SPPL3: variants seen among roughly 807,000 people sequenced by gnomAD.
The protein encoded by SPPL3 is signal peptide peptidase-like 3.
SPPL3 carries 5 observed loss-of-function variants against 42.4 expected under a neutral mutation model. That is an observed-to-expected ratio of 0.12 (90% CI 0.06 to 0.25). The LOEUF (loss-of-function observed/expected upper bound fraction) is 0.25. SPPL3 is among the 10% of genes least tolerant of loss of function. The probability of loss-of-function intolerance (pLI) is 1.00; values close to 1 mark genes in which losing one functional copy is unlikely to be tolerated. For missense variants in SPPL3, 235 were observed against 489.0 expected (o/e 0.48, Z 4.90); for synonymous variants, 195 against 181.8 (o/e 1.07, Z -0.58).
At chr12:120,789,237 T>TCTC (rs1869824740) in intron 3 of SPPL3, among the ~76,000 whole-genome samples, 1 of 151,672 alleles carries the variant, frequency 6.6e-6, no homozygotes, top group Non-Finnish European at 1.5e-5. Context: ...GAGGATCACT[T>TCTC]GAGGTCAGGA....
intron 6 of SPPL3, among the ~76,000 whole-genome samples, chr12:120,771,319 A>AC: frequency 6.6e-6 from 1 of 151,436 alleles, no homozygotes. Context: ...TCCTCACTCT[A>AC]CCCCCCATGC....
chr12:120,888,226 C>A (rs1437219978), intron 1 of SPPL3, among the ~76,000 whole-genome samples: 1 of 152,084 alleles, frequency 6.6e-6, no homozygotes, highest in Non-Finnish European at 1.5e-5. Context: ...CAGGCGTCCA[C>A]CACCACGCCC....
chr12:120,863,047 A>G (rs770005176), intron 1 of SPPL3, among the ~76,000 whole-genome samples: 1 of 152,144 alleles, frequency 6.6e-6, no homozygotes, highest in Non-Finnish European at 1.5e-5. Context: ...GACCAAATAT[A>G]TATTTATCAC....
At chr12:120,853,983 TACACACAC>T (rs58246859) in intron 1 of SPPL3, among the ~76,000 whole-genome samples, 15,586 of 130,212 alleles carry the variant, frequency 0.12, 941 homozygotes, top group Admixed American at 0.17. Context: ...CACGCACACA[TACACACAC>T]ACACACACAC....
chr12:120,854,753 A>G (rs1182518644), intron 1 of SPPL3, among the ~76,000 whole-genome samples: 1 of 152,218 alleles, frequency 6.6e-6, no homozygotes. Flanking sequence ...AAACCTTTCC[A>G]AAGGTCAACA....
intron 3 of SPPL3, among the ~76,000 whole-genome samples, chr12:120,789,233 C>A (rs1188877417): frequency 6.6e-6 from 1 of 151,546 alleles, no homozygotes; most frequent in Non-Finnish European, 1.5e-5. Context: ...ACTGGAGGAT[C>A]ACTTGAGGTC....
At chr12:120,845,446 C>T (rs995823167) in intron 1 of SPPL3, 6 of 403,388 alleles carry the variant, frequency 1.5e-5, no homozygotes, top group East Asian at 6.2e-5. Context: ...TTGTCCGAGC[C>T]GCCCACGCCC....
intron 1 of SPPL3, among the ~76,000 whole-genome samples, chr12:120,815,801 A>G (rs1329854706): frequency 6.6e-6 from 1 of 152,010 alleles, no homozygotes; most frequent in Non-Finnish European, 1.5e-5. Context: ...ATCTCGGCTC[A>G]CTGCAACCTC....
At chr12:120,789,870 A>ACTT (rs1184728874) in intron 3 of SPPL3, among the ~76,000 whole-genome samples, 4 of 149,678 alleles carry the variant, frequency 2.7e-5, no homozygotes, top group African/African-American at 9.9e-5. Context: ...TTACCAGGTA[A>ACTT]CTTCTTTCCA....
chr12:120,816,944 C>T (rs974386850), intron 1 of SPPL3, among the ~76,000 whole-genome samples: 3 of 152,008 alleles, frequency 2.0e-5, no homozygotes, highest in Non-Finnish European at 4.4e-5. Flanking sequence ...CCTATAAAAT[C>T]CTCTTTGGGC....
intron 6 of SPPL3, among the ~76,000 whole-genome samples, chr12:120,781,668 G>C (rs1157447148): frequency 1.4e-5 from 2 of 141,038 alleles, no homozygotes; most frequent in Non-Finnish European, 3.0e-5. Flanking sequence ...CCGCCTCCCG[G>C]GTTCACACCT....
chr12:120,820,306 A>ATTTTTTTTTTTTTT (rs11374486), intron 1 of SPPL3, among the ~76,000 whole-genome samples: 9 of 100,996 alleles, frequency 8.9e-5, no homozygotes, highest in African/African-American at 1.6e-4. Context: ...CTTTCTCTAA[A>ATTTTTTTTTTTTTT]TTTTTTTTTT....
At chr12:120,854,142 C>T (rs1285544080) in intron 1 of SPPL3, among the ~76,000 whole-genome samples, 1 of 152,058 alleles carries the variant, frequency 6.6e-6, no homozygotes, top group Non-Finnish European at 1.5e-5. Context: ...TATCAATGTA[C>T]CCTTTACTGA....
At chr12:120,892,670 C>T (rs1049500345) in intron 1 of SPPL3, among the ~76,000 whole-genome samples, 1 of 152,118 alleles carries the variant, frequency 6.6e-6, no homozygotes, top group Non-Finnish European at 1.5e-5. Flanking sequence ...AACACAAAGG[C>T]TATTAAAATA....
chr12:120,812,106 G>GGAA (rs1555249619), intron 1 of SPPL3, among the ~76,000 whole-genome samples: 41 of 140,704 alleles, frequency 2.9e-4, no homozygotes, highest in African/African-American at 1.1e-3. Context: ...CCATTTAGTG[G>GGAA]AAAAAAAAAA....
At chr12:120,857,190 G>A (rs545715609) in intron 1 of SPPL3, among the ~76,000 whole-genome samples, 3 of 152,316 alleles carry the variant, frequency 2.0e-5, no homozygotes, top group East Asian at 1.9e-4. Flanking sequence ...GGGAGCTCTA[G>A]AGCCAGAAAG....
intron 1 of SPPL3, chr12:120,901,948 T>G (rs1593019348): frequency 2.0e-6 from 2 of 985,248 alleles, no homozygotes; most frequent in South Asian, 9.4e-5. Flanking sequence ...ATCCAGGGCC[T>G]CTGTACAGCA....
intron 1 of SPPL3, among the ~76,000 whole-genome samples, chr12:120,840,343 T>C (rs1200685560): frequency 3.1e-5 from 4 of 128,366 alleles, no homozygotes; most frequent in Non-Finnish European, 5.0e-5. Context: ...GGATGAACCC[T>C]AAAAACATGA....
intron 2 of SPPL3, among the ~76,000 whole-genome samples, chr12:120,792,904 T>C (rs1260824144): frequency 1.3e-5 from 2 of 151,776 alleles, no homozygotes; most frequent in Non-Finnish European, 2.9e-5. Context: ...GGATTTGGAG[T>C]AGATTCTTAG....
Sources: allele counts gnomAD v4.1 joint callset (sites outside exome capture counted in the v4.1 genomes callset), GRCh38; gene constraint gnomAD v4.1.1; transcripts MANE v1.5; gene names NCBI Gene and HGNC (gene_info 2026-07-23, HGNC 2026-07-21).